Variants in BYSL observed in about 807,000 individuals in gnomAD.
BYSL encodes bystin.
In BYSL, 21 loss-of-function variants were observed where a neutral mutation model predicts 45.4. The observed-to-expected ratio is 0.46, with a 90% CI of 0.33 to 0.67. The LOEUF (loss-of-function observed/expected upper bound fraction) is 0.67, where lower values mean the gene tolerates loss of function less well. Among genes scored for constraint, BYSL ranks in the 30% least tolerant of loss-of-function variants. The pLI is 0.02. For missense variants in BYSL, 522 were observed against 578.5 expected (o/e 0.90, Z 1.00); for synonymous variants, 215 against 231.3 (o/e 0.93, Z 0.64).
chr6:41,920,793 A>C (rs184801111), upstream of BYSL: 363 of 519,548 alleles, frequency 7.0e-4, 2 homozygotes, highest in African/African-American at 2.7e-3. Context: ...CAAAACAAAA[A>C]AAAAACCTTT....
chr6:41,926,034 C>A (rs1775559619), intron 1 of BYSL, among the ~76,000 whole-genome samples: 3 of 152,190 alleles, frequency 2.0e-5, no homozygotes, highest in African/African-American at 7.2e-5. Context: ...ACTCTACTGC[C>A]TGAATTTAAA....
upstream of BYSL, among the ~76,000 whole-genome samples, chr6:41,920,377 A>G (rs893403670): frequency 6.6e-6 from 1 of 152,148 alleles, no homozygotes; most frequent in Non-Finnish European, 1.5e-5. Context: ...AATCTTAAAA[A>G]ATACTATCTC....
intron 1 of BYSL, among the ~76,000 whole-genome samples, chr6:41,924,253 A>G (rs1775532633): frequency 6.7e-6 from 1 of 149,968 alleles, no homozygotes; most frequent in Admixed American, 6.6e-5. Context: ...TATTTTTAGT[A>G]GAGTTGGGGA....
rs1775650275 is a variant in BYSL, at chr6:41,932,186, T to C, written c.969-175T>C. On this transcript the variant is annotated intron_variant, in intron 6 of 6. Coordinates refer to ENST00000230340, the MANE Select transcript of BYSL (RefSeq NM_004053.4). The surrounding 1 kb of genome is among the most constrained non-coding windows in gnomAD (Gnocchi z 4.7). ...TTTGGGTGGATCCCTGTAGAGATGG[T>C]GACTGAGGTCAAGGGAGTATAATAT... is the stretch of plus-strand genomic sequence containing the variant. Among the ~76,000 whole-genome samples, 1 of 152,044 alleles carries C rather than the reference T, an allele frequency of 6.6e-6. No homozygotes were observed. The highest frequency in any genetic ancestry group is 1.5e-5 in the Non-Finnish European group (1 of 68,006).
the BYSL span, among the ~76,000 whole-genome samples, chr6:41,910,800 C>T: frequency 0.013 from 1,982 of 151,278 alleles, 29 homozygotes; most frequent in South Asian, 0.062. Context: ...GAGGACTTAG[C>T]CCCTGACTTC....
chr6:41,910,678 C>G, the BYSL span, among the ~76,000 whole-genome samples: 1 of 151,414 alleles, frequency 6.6e-6, no homozygotes. Context: ...AAGCAAGATT[C>G]CTCTTTCATA....
the BYSL span, among the ~76,000 whole-genome samples, chr6:41,912,243 C>T: frequency 7.7e-6 from 1 of 130,456 alleles, no homozygotes. Context: ...GTCTTACCAT[C>T]TTGCCTAGGC....
upstream of BYSL, chr6:41,920,939 T>G (rs1359057161): frequency 2.5e-6 from 4 of 1,576,412 alleles, no homozygotes; most frequent in Non-Finnish European, 3.5e-6. Flanking sequence ...CGGACCATGG[T>G]CAAGGTCCTC....
chr6:41,921,451 G>A (rs1775464715), upstream of BYSL: 2 of 1,405,892 alleles, frequency 1.4e-6, no homozygotes, highest in Non-Finnish European at 1.9e-6. Flanking sequence ...ATGCTAGGGG[G>A]CGCTGTGATC....
rs527487713 is a variant in BYSL, at chr6:41,932,950, C to T, written c.*244C>T. The stretch of plus-strand genomic sequence containing the variant: ...GCCAACTTGAGATACCATATGCTAG[C>T]ATTCCCAGTCCCCAGCTGGGGCTTG... On this transcript the variant is annotated 3_prime_UTR_variant, in exon 7 of 7. Coordinates refer to ENST00000230340, the MANE Select transcript of BYSL (RefSeq NM_004053.4). The surrounding 1 kb of genome is among the most constrained non-coding windows in gnomAD (Gnocchi z 4.7). The T allele has an allele frequency of 2.3e-5, 12 of 515,748 alleles. No homozygotes were observed. Among genetic ancestry groups the T allele is most frequent in the African/African-American group, 1.3e-4 (7 of 52,674 alleles). The allele number at this position is 515,748 out of a possible 1,614,324, so 31.9% of individuals were successfully genotyped here. A position where few individuals can be genotyped will look rare whatever the true frequency, so the allele number is the denominator to read the frequency against.
Position 41,932,278 on chromosome 6 carries a change from AAG to A in BYSL, c.969-82_969-81del. On this transcript the variant is annotated intron_variant, in intron 6 of 6. Transcript: ENST00000230340. The surrounding 1 kb of genome is among the most constrained non-coding windows in gnomAD (Gnocchi z 4.7). ...AAGGGCCAGCAGAGGGGAAGAAAAA[AAG>A]GGGAAAGCATAGAGGGAGAAGTAGG... The A allele has an allele frequency of 1.5e-6, 2 of 1,362,290 alleles. No individual in the cohort carries two copies. The highest frequency in any genetic ancestry group is 1.0e-6 in the Non-Finnish European group (1 of 986,318). The allele number at this position is 1,362,290 out of a possible 1,614,324, so 84.4% of individuals were successfully genotyped here. A position where few individuals can be genotyped will look rare whatever the true frequency, so the allele number is the denominator to read the frequency against.
intron 2 of BYSL, among the ~76,000 whole-genome samples, chr6:41,929,679 C>T (rs905081899): frequency 1.4e-4 from 22 of 152,246 alleles, no homozygotes; most frequent in Non-Finnish European, 2.8e-4. Flanking sequence ...ATAACGCTTA[C>T]TGTGTACTGA....
chr6:41,917,269 G>A (rs139296999), upstream of BYSL: 296 of 177,844 alleles, frequency 1.7e-3, 1 homozygote, highest in African/African-American at 5.8e-3. Context: ...GCGTGGTAGC[G>A]GACGCCTGTA....
the BYSL span, among the ~76,000 whole-genome samples, chr6:41,916,007 G>T: frequency 6.6e-6 from 1 of 152,026 alleles, no homozygotes; most frequent in Non-Finnish European, 1.5e-5. Context: ...AGTACTTTGG[G>T]AAGCTGAGGC....
At chr6:41,923,135 CTTTTTTTCT>C (rs1416195653) in intron 1 of BYSL, among the ~76,000 whole-genome samples, 93 of 61,120 alleles carry the variant, frequency 1.5e-3, no homozygotes, top group African/African-American at 0.014. Context: ...TCCGTTTTTT[CTTTTTTTCT>C]TTTTTTTTTG....
chr6:41,931,471 T>C lies in BYSL; in HGVS notation c.780T>C (p.Asp260=), dbSNP rs1172013777. 6.2e-7 allele frequency: 1 copy of C among 1,614,012 alleles called. No homozygotes were observed. The highest frequency in any genetic ancestry group is 2.2e-5 in the East Asian group (1 of 44,886). The change falls in exon 5 of 7, where the codon GAT becomes GAC. Residue 260 remains aspartate (D), a synonymous_variant. Coordinates refer to ENST00000230340, the MANE Select transcript of BYSL (RefSeq NM_004053.4). ...YNLVLLPRVR[D]DVAEYKRLNF... ...TTGTCCTGCTCCCTCGAGTACGAGA[T>C]GACGTTGCTGAATACAAACGACTCA...
At chr6:41,909,568 A>C in the BYSL span, 1 of 1,601,060 alleles carries the variant, frequency 6.2e-7, no homozygotes, top group African/African-American at 1.3e-5. Flanking sequence ...TTTCACTGGC[A>C]AACCCCAGAG....
rs1281915784 is a variant in BYSL, at chr6:41,921,716, C to T, written c.154C>T (p.Pro52Ser). ...AGAAGCGGAGGAAGAGTATGTGGGG[C>T]CCCGGCTGAGCCGACGGATTTTGCA... ...TGEAEEEYVG[P>S]RLSRRILQQA... The change falls in exon 1 of 7, where the codon CCC becomes TCC. Residue 52 changes from proline to serine, a missense_variant. Pro to Ser is a moderately conservative substitution (Grantham distance 74, BLOSUM62 -1). Coordinates refer to ENST00000230340, the MANE Select transcript of BYSL (RefSeq NM_004053.4). 2 of 1,613,316 alleles carry T rather than the reference C, an allele frequency of 1.2e-6. No individual in the cohort carries two copies. The highest frequency in any genetic ancestry group is 2.2e-5 in the East Asian group (1 of 44,834).
At chr6:41,931,642 G>C in intron 5 of BYSL, 86 bp downstream of exon 5, 4 of 1,607,608 alleles carry the variant, frequency 2.5e-6, no homozygotes, top group Non-Finnish European at 1.7e-6. Context: ...ATTGCTAGCT[G>C]TCCCTGGGCT....
Sources: allele counts gnomAD v4.1 joint callset (sites outside exome capture counted in the v4.1 genomes callset), GRCh38; gene constraint gnomAD v4.1.1; non-coding constraint Gnocchi (gnomAD v3.1); transcripts MANE v1.5; gene names NCBI Gene and HGNC (gene_info 2026-07-23, HGNC 2026-07-21).